AHCYL2: variants seen among roughly 807,000 people sequenced by gnomAD.
The protein encoded by AHCYL2 is adenosylhomocysteinase like 2.
AHCYL2 carries 28 observed loss-of-function variants against 81.4 expected under a neutral mutation model. The observed-to-expected ratio is 0.34, with a 90% CI of 0.25 to 0.47. The LOEUF (loss-of-function observed/expected upper bound fraction) is 0.47. AHCYL2 is among the 20% of genes least tolerant of loss of function. The pLI is 1.00. For missense variants in AHCYL2, 551 were observed against 785.1 expected, an observed-to-expected ratio of 0.70 and a Z score of 3.56; for synonymous variants, 272 against 290.2, an observed-to-expected ratio of 0.94 and a Z score of 0.64.
chr7:129,405,254 T>C (rs1162657032), intron 8 of AHCYL2, 41 bp downstream of exon 8: 2 of 1,470,658 alleles, frequency 1.4e-6, no homozygotes, highest in Non-Finnish European at 1.9e-6. Flanking sequence ...TGATGTCCAG[T>C]TGAGATTCTA....
chr7:129,235,137 G>C (rs924708291), intron 1 of AHCYL2, among the ~76,000 whole-genome samples: 1 of 151,920 alleles, frequency 6.6e-6, no homozygotes, highest in African/African-American at 2.4e-5. Flanking sequence ...CATCTTCTTG[G>C]ACCTCTTAGC....
At position 129,368,791 on chromosome 7, in the gene AHCYL2, C is replaced by G. The variant is rs1584833279; in HGVS notation, c.364-10847C>G. ...GCCAGGGCTTGTTGCCTGGTCATCT[C>G]TGGTGGGCAGGGGCTTTCCTCCGGC... On this transcript the variant is annotated intron_variant, in intron 1 of 16. Transcript: ENST00000325006. The surrounding 1 kb of genome is among the most constrained non-coding windows in gnomAD (Gnocchi z 4.4). Among the ~76,000 whole-genome samples, 2 of 152,256 alleles carry G rather than the reference C, an allele frequency of 1.3e-5. No homozygotes were observed. Among genetic ancestry groups the G allele is most frequent in the East Asian group, 1.9e-4 (1 of 5,192 alleles).
chr7:129,275,324 C>T (rs1302334345), intron 1 of AHCYL2, among the ~76,000 whole-genome samples: 3 of 152,074 alleles, frequency 2.0e-5, no homozygotes, highest in Non-Finnish European at 4.4e-5. Context: ...ATCTCATGAA[C>T]CCGGGAGGCA....
chr7:129,316,884 G>A (rs1232208913), intron 1 of AHCYL2, among the ~76,000 whole-genome samples: 2 of 152,176 alleles, frequency 1.3e-5, no homozygotes, highest in African/African-American at 4.8e-5. Flanking sequence ...TCACAAGATG[G>A]CAAAACATAT....
At chr7:129,228,332 C>T (rs1198799177) in intron 1 of AHCYL2, among the ~76,000 whole-genome samples, 1 of 152,156 alleles carries the variant, frequency 6.6e-6, no homozygotes, top group Admixed American at 6.5e-5. Context: ...AAACTTTTTA[C>T]AAGAGCCAGA....
chr7:129,264,316 G>A (rs1490309348), intron 1 of AHCYL2, among the ~76,000 whole-genome samples: 3 of 152,204 alleles, frequency 2.0e-5, no homozygotes, highest in Admixed American at 6.5e-5. Context: ...CACTGCGCCC[G>A]GCCAGTAGAA....
chr7:129,297,515 A>C (rs1168616721), intron 1 of AHCYL2, among the ~76,000 whole-genome samples: 4 of 152,058 alleles, frequency 2.6e-5, no homozygotes. Context: ...TTGAGACCTA[A>C]TTGGTCTCCT....
chr7:129,375,880 G>T (rs1159934316), intron 1 of AHCYL2: 3 of 1,535,976 alleles, frequency 2.0e-6, no homozygotes, highest in Non-Finnish European at 2.6e-6. Flanking sequence ...ATGCTGGGCA[G>T]CAAGAAGAAA....
chr7:129,423,717 G>A (rs1797224865), intron 13 of AHCYL2, among the ~76,000 whole-genome samples: 1 of 151,920 alleles, frequency 6.6e-6, no homozygotes, highest in African/African-American at 2.4e-5. Context: ...ACCTGAATAT[G>A]AAAATGTAAA....
intron 1 of AHCYL2, among the ~76,000 whole-genome samples, chr7:129,266,881 A>G (rs1335561812): frequency 6.6e-6 from 1 of 152,202 alleles, no homozygotes; most frequent in African/African-American, 2.4e-5. Flanking sequence ...ATGACTAACC[A>G]TAGCAATATT....
At chr7:129,342,845 A>G (rs1793232718) in intron 1 of AHCYL2, among the ~76,000 whole-genome samples, 3 of 152,202 alleles carry the variant, frequency 2.0e-5, no homozygotes, top group Admixed American at 2.0e-4. Flanking sequence ...AATTTGGCAT[A>G]TATGTATATA....
rs1336354053 is a variant in AHCYL2, at chr7:129,225,158, G to A, written c.82G>A (p.Glu28Lys). The A allele has an allele frequency of 1.3e-6, 2 of 1,598,616 alleles. No individual in the cohort carries two copies. The highest frequency in any genetic ancestry group is 3.4e-5 in the Admixed American group (2 of 58,554). ...ELKDLSPSEA[E>K]SQLGLSTAAV... ...GAAGGACCTGAGCCCCTCCGAGGCG[G>A]AGTCGCAACTAGGACTGAGCACGGC... Residue 28 changes from glutamate (E) to lysine (K), a missense_variant, in exon 1 of 17, where the codon GAG (glutamate) becomes AAG (lysine). Transcript: ENST00000325006.
intron 1 of AHCYL2, among the ~76,000 whole-genome samples, chr7:129,255,996 G>C (rs1795406609): frequency 6.6e-6 from 1 of 151,996 alleles, no homozygotes; most frequent in South Asian, 2.1e-4. Context: ...GTGAGATTGA[G>C]TTCAAAGGGA....
intron 4 of AHCYL2, 114 bp from the exon 5 acceptor site, chr7:129,397,108 C>A: frequency 1.2e-6 from 1 of 855,088 alleles, no homozygotes; most frequent in Non-Finnish European, 1.8e-6. Flanking sequence ...ATTTGAAAAT[C>A]ACTGGCTTAA....
At chr7:129,300,131 T>C (rs928939200) in intron 1 of AHCYL2, among the ~76,000 whole-genome samples, 4 of 152,210 alleles carry the variant, frequency 2.6e-5, no homozygotes, top group Non-Finnish European at 5.9e-5. Flanking sequence ...CTCAACCATT[T>C]ATCATATTAC....
intron 1 of AHCYL2, among the ~76,000 whole-genome samples, chr7:129,316,491 T>C (rs1466763197): frequency 1.3e-5 from 2 of 152,166 alleles, no homozygotes; most frequent in Non-Finnish European, 1.5e-5. Context: ...CTCAGGACTT[T>C]TTGTAGTATG....
intron 1 of AHCYL2, among the ~76,000 whole-genome samples, chr7:129,232,631 T>A (rs1794488015): frequency 6.6e-6 from 1 of 152,238 alleles, no homozygotes; most frequent in African/African-American, 2.4e-5. Flanking sequence ...ATTCAGTCCC[T>A]CAAACTGTTC....
chr7:129,379,804 A>G (rs1794867392), intron 2 of AHCYL2, 55 bp downstream of exon 2: 10 of 1,371,020 alleles, frequency 7.3e-6, no homozygotes, highest in South Asian at 4.9e-5. Context: ...TACGATCTCA[A>G]TGGGCCCTCC....
intron 1 of AHCYL2, among the ~76,000 whole-genome samples, chr7:129,323,873 C>CTTTTTT (rs369389755): frequency 1.5e-5 from 2 of 131,104 alleles, no homozygotes; most frequent in African/African-American, 2.8e-5. Context: ...GCCCTTTTAG[C>CTTTTTT]TTTTTTTTTT....
Sources: allele counts gnomAD v4.1 joint callset (sites outside exome capture counted in the v4.1 genomes callset), GRCh38; gene constraint gnomAD v4.1.1; non-coding constraint Gnocchi (gnomAD v3.1); transcripts MANE v1.5; gene names NCBI Gene and HGNC (gene_info 2026-07-23, HGNC 2026-07-21).